Variants in THEM5 observed in about 807,000 individuals in gnomAD.
THEM5 encodes the protein thioesterase superfamily member 5.
In THEM5, 28 loss-of-function variants were observed where a neutral mutation model predicts 24.2. The ratio of observed to expected loss-of-function variants is 1.16; its 90% CI spans 0.86 to 1.59. THEM5 has a LOEUF of 1.59. Among genes scored for constraint, THEM5 ranks in the 40% most tolerant of loss-of-function variants. The probability of loss-of-function intolerance (pLI) is 0.00; values close to 1 mark genes in which losing one functional copy is unlikely to be tolerated. For synonymous variants in THEM5, 87 were observed against 114.5 expected, an observed-to-expected ratio of 0.76 and a Z score of 1.53; for missense variants, 260 against 296.8, an observed-to-expected ratio of 0.88 and a Z score of 0.91.
At position 151,847,311 on chromosome 1, in the gene THEM5, G is replaced by C. The variant is rs914025240; in HGVS notation, c.*60C>G. On this transcript the variant is annotated 3_prime_UTR_variant, in exon 6 of 6. Transcript: ENST00000368817. ...GGCAGGAGGCAGGAGGCAGGCAGGG[G>C]AGGCAGGAGGCAGGAGGCAGGCAGG... 1 of 1,512,206 alleles carries C rather than the reference G, an allele frequency of 6.6e-7. No homozygotes were observed. The highest frequency in any genetic ancestry group is 1.4e-5 in the African/African-American group (1 of 69,218). 93.7% of individuals were successfully genotyped at this position (1,512,206 alleles called of 1,614,324 possible).
At chr1:151,848,381 T>G in intron 3 of THEM5, 89 bp from the exon 4 acceptor site, 1 of 1,014,272 alleles carries the variant, frequency 9.9e-7, no homozygotes, top group Non-Finnish European at 1.5e-6. Flanking sequence ...CCTGTGGTGA[T>G]CCTACCTTTC....
chr1:151,850,836 C>G (rs944818713), intron 3 of THEM5, among the ~76,000 whole-genome samples: 3 of 152,184 alleles, frequency 2.0e-5, no homozygotes, highest in Non-Finnish European at 4.4e-5. Flanking sequence ...AATTTTGAGA[C>G]TTTGATGAGA....
chr1:151,848,340 G>A, intron 3 of THEM5, 48 bp from the exon 4 acceptor site: 1 of 1,461,976 alleles, frequency 6.8e-7, no homozygotes, highest in Non-Finnish European at 9.6e-7. Context: ...GGGGCTGCTG[G>A]GCAGACCCCC....
rs548336846 is a variant in THEM5, at chr1:151,853,667, C to G, written c.-102G>C. The stretch of plus-strand genomic sequence containing the variant: ...GGGGCCGCTTCTCTCCCTTCTGTTG[C>G]AGGCTTTCTTTCAGAGAGCTAGGCG... On this transcript the variant is annotated 5_prime_UTR_variant, in exon 1 of 6. Coordinates refer to ENST00000368817, the MANE Select transcript of THEM5 (RefSeq NM_182578.4). 7.0e-7 allele frequency: 1 copy of G among 1,438,410 alleles called. No individual in the cohort carries two copies. Among genetic ancestry groups the G allele is most frequent in the East Asian group, 2.5e-5 (1 of 40,742 alleles). 89.1% of individuals were successfully genotyped at this position (1,438,410 alleles called of 1,614,324 possible). A position where few individuals can be genotyped will look rare whatever the true frequency, so the allele number is the denominator to read the frequency against.
intron 1 of THEM5, among the ~76,000 whole-genome samples, chr1:151,853,163 G>C (rs1249314740): frequency 1.3e-5 from 2 of 152,226 alleles, no homozygotes; most frequent in African/African-American, 4.8e-5. Flanking sequence ...TCTGTCTGGG[G>C]ATACCCCAGC....
At chr1:151,848,086 C>T in intron 4 of THEM5, 96 bp downstream of exon 4, 2 of 1,421,992 alleles carry the variant, frequency 1.4e-6, no homozygotes, top group Non-Finnish European at 2.0e-6. Context: ...AGGAGAGTGG[C>T]AGGCAGGGCT....
chr1:151,852,712 C>T (rs937392003), intron 1 of THEM5, among the ~76,000 whole-genome samples: 7 of 152,196 alleles, frequency 4.6e-5, no homozygotes, highest in Admixed American at 1.3e-4. Context: ...GCATGCTGCT[C>T]GATGTGGTGC....
At chr1:151,852,684 T>C (rs1653162449) in intron 1 of THEM5, among the ~76,000 whole-genome samples, 1 of 151,726 alleles carries the variant, frequency 6.6e-6, no homozygotes, top group African/African-American at 2.4e-5. Flanking sequence ...GGGCAGGGAG[T>C]GGGGCCAGAG....
chr1:151,853,664 T>C lies in THEM5; in HGVS notation c.-99A>G, dbSNP rs1228695858. ...CTTGGGGCCGCTTCTCTCCCTTCTG[T>C]TGCAGGCTTTCTTTCAGAGAGCTAG... On this transcript the variant is annotated 5_prime_UTR_variant, in exon 1 of 6. Coordinates refer to ENST00000368817, the MANE Select transcript of THEM5 (RefSeq NM_182578.4). 11 of 1,437,622 alleles carry C rather than the reference T, an allele frequency of 7.7e-6. No homozygotes were observed. In the East Asian group the frequency reaches 2.7e-4, roughly 35 times the overall value. 89.1% of individuals were successfully genotyped at this position (1,437,622 alleles called of 1,614,324 possible).
chr1:151,849,878 C>T (rs1653061402), intron 3 of THEM5, among the ~76,000 whole-genome samples: 1 of 152,216 alleles, frequency 6.6e-6, no homozygotes, highest in Non-Finnish European at 1.5e-5. Context: ...AGACCCCCAA[C>T]CCCTCAATCC....
At chr1:151,851,281 G>A (rs1281090428) in intron 2 of THEM5, 90 bp from the exon 3 acceptor site, 4 of 1,547,752 alleles carry the variant, frequency 2.6e-6, no homozygotes, top group Admixed American at 3.4e-5. Context: ...TCTGGTACAA[G>A]ATTAAGGAGA....
chr1:151,847,122 A>G lies in THEM5; in HGVS notation c.*249T>C, dbSNP rs1330010778. 2 of 718,266 alleles carry G rather than the reference A, an allele frequency of 2.8e-6. No homozygotes were observed. 44.5% of individuals were successfully genotyped at this position (718,266 alleles called of 1,614,324 possible). ...AGAATGGGACTGTGAGACTTTATTT[A>G]CTCAGAGAAAAGGGTCCTTTCCCTC... On this transcript the variant is annotated 3_prime_UTR_variant, in exon 6 of 6. Coordinates refer to ENST00000368817, the MANE Select transcript of THEM5 (RefSeq NM_182578.4).
intron 3 of THEM5, among the ~76,000 whole-genome samples, 192 bp from the exon 4 acceptor site, chr1:151,848,484 G>A (rs1029648195): frequency 2.0e-5 from 3 of 152,200 alleles, no homozygotes; most frequent in African/African-American, 7.2e-5. Context: ...GATCAAACCC[G>A]TCAAAATCAA....
Position 151,848,282 on chromosome 1 carries a change from C to T in THEM5, c.475G>A (p.Gly159Ser), listed in dbSNP as rs543970440. The T allele has an allele frequency of 2.7e-5, 44 of 1,613,924 alleles. No homozygotes were observed. In the African/African-American group the frequency reaches 3.9e-4, roughly 14 times the overall value. Reference protein sequence around the residue: ...YLEGPPGFAHGGSLAAMMDET... With the variant: ...YLEGPPGFAHSGSLAAMMDET... The stretch of plus-strand genomic sequence containing the variant: ...TCCATCATGGCTGCCAGGGACCCGC[C>T]GTGAGCAAACCTGGGGGTGGGGTAA... The change falls in exon 4 of 6, where the codon GGC becomes AGC. Residue 159 changes from glycine (G) to serine (S), a missense_variant. By Grantham distance (56) the Gly-to-Ser change is moderately conservative. Coordinates refer to ENST00000368817, the MANE Select transcript of THEM5 (RefSeq NM_182578.4).
At position 151,852,238 on chromosome 1, in the gene THEM5, A is replaced by G. The variant is rs1572062949; in HGVS notation, c.325+20T>C. Reference sequence around the variant, plus strand: ...AGGGAAGGGCGGCTGGGGTGTGTGTACTCATGGTCCTGTCCTTACCTGAGG... The same window carrying G: ...AGGGAAGGGCGGCTGGGGTGTGTGTGCTCATGGTCCTGTCCTTACCTGAGG... On this transcript the variant is annotated intron_variant, in intron 2 of 5. Transcript: ENST00000368817. 5.0e-6 allele frequency: 8 copies of G among 1,610,874 alleles called. No homozygotes were observed. Among genetic ancestry groups the G allele is most frequent in the African/African-American group, 1.3e-5 (1 of 74,886 alleles).
chr1:151,848,104 C>T, intron 4 of THEM5, 78 bp downstream of exon 4: 3 of 1,501,234 alleles, frequency 2.0e-6, no homozygotes, highest in South Asian at 1.2e-5. Flanking sequence ...GCTCCTACAC[C>T]CCAGCTGCCG....
intron 4 of THEM5, 140 bp downstream of exon 4, chr1:151,848,042 G>T: frequency 7.0e-7 from 1 of 1,426,904 alleles, no homozygotes; most frequent in East Asian, 2.3e-5. Flanking sequence ...TCCTGGCCAG[G>T]GACTAGAGGA....
At chr1:151,848,444 AG>A in intron 3 of THEM5, 152 bp from the exon 4 acceptor site, 1 of 608,904 alleles carries the variant, frequency 1.6e-6, no homozygotes, top group Non-Finnish European at 2.9e-6. Context: ...GCAGCCAAAT[AG>A]GAAAGAAGGA....
intron 3 of THEM5, among the ~76,000 whole-genome samples, chr1:151,849,173 T>G (rs1212803359): frequency 6.6e-6 from 1 of 151,696 alleles, no homozygotes; most frequent in Non-Finnish European, 1.5e-5. Flanking sequence ...GAGCTGAGAT[T>G]GTGCCACTGC....
Sources: gnomAD v4.1 joint callset for allele counts (sites outside exome capture counted in the v4.1 genomes callset) on GRCh38, gnomAD v4.1.1 for gene constraint, MANE v1.5 for transcripts, NCBI Gene and HGNC (gene_info 2026-07-23, HGNC 2026-07-21) for gene names.